RNPS1: variants seen among roughly 807,000 people sequenced by gnomAD.
The protein encoded by RNPS1 is RNA binding protein with serine rich domain 1.
For missense variants in RNPS1, 300 were observed against 427.6 expected (o/e 0.70, Z 2.63); for synonymous variants, 147 against 150.0 (o/e 0.98, Z 0.15).
chr16:2,265,982 A>C, intron 1 of RNPS1: 12 of 344,690 alleles, frequency 3.5e-5, no homozygotes, highest in Non-Finnish European at 4.1e-5. Flanking sequence ...AAAACAAATT[A>C]CTAATTAGTT....
Position 2,255,376 on chromosome 16 carries a change from T to G in RNPS1, c.818+209A>C, listed in dbSNP as rs549276887. Among the ~76,000 whole-genome samples, 20 of 152,356 alleles carry G rather than the reference T, an allele frequency of 1.3e-4. No individual in the cohort carries two copies. In the East Asian group the frequency reaches 1.7e-3, roughly 13 times the overall value. On this transcript the variant is annotated intron_variant, in intron 7 of 7. Transcript: ENST00000320225. ...ACGCCACTGCCCAGACTCAGAAAGCTGTGTTGGTGCAACTCTAGGGCGTCT... is the reference window on the plus strand; with the variant it reads ...ACGCCACTGCCCAGACTCAGAAAGCGGTGTTGGTGCAACTCTAGGGCGTCT...
chr16:2,264,012 G>T, intron 3 of RNPS1, 164 bp downstream of exon 3: 3 of 800,310 alleles, frequency 3.7e-6, no homozygotes, highest in Non-Finnish European at 5.7e-6. Flanking sequence ...TTATAGGCAT[G>T]AGCCACCACT....
rs781609114 is a variant in RNPS1 at position 2,263,251 on chromosome 16, G to A, written c.264C>T (p.Ser88=). 6 of 1,613,660 alleles carry A rather than the reference G, an allele frequency of 3.7e-6. No homozygotes were observed. The East Asian group carries it at 8.9e-5, about 24-fold the overall frequency. The change falls in exon 4 of 8, where the codon AGC becomes AGT. Residue 88 remains serine (S), a synonymous_variant. Coordinates refer to ENST00000320225, the MANE Select transcript of RNPS1 (RefSeq NM_080594.4). ...AGCCACTGCTTGAGCCAGTGCTGGT[G>A]CTGGAGCCTGAGCTGGAAGTCGAGC... ...RSSSTSSSGS[S]TSTGSSSGSS...
intron 6 of RNPS1, 64 bp from the exon 7 acceptor site, chr16:2,255,790 A>C: frequency 6.6e-7 from 1 of 1,510,724 alleles, no homozygotes; most frequent in South Asian, 1.2e-5. Context: ...AATGCATGCC[A>C]CAGTGAAAGA....
Position 2,253,780 on chromosome 16 carries a change from C to G in RNPS1, c.*184G>C, listed in dbSNP as rs778996420. ...ACCGGAGGGAATCTTGACAGGCACACAGCATCCAAACCAACAGCACTTCTG... is the reference window on the plus strand; with the variant it reads ...ACCGGAGGGAATCTTGACAGGCACAGAGCATCCAAACCAACAGCACTTCTG... On this transcript the variant is annotated 3_prime_UTR_variant, in exon 8 of 8. Coordinates refer to ENST00000320225, the MANE Select transcript of RNPS1 (RefSeq NM_080594.4). 5.4e-5 allele frequency: 38 copies of G among 706,552 alleles called. No individual in the cohort carries two copies. The highest frequency in any genetic ancestry group is 9.3e-5 in the Non-Finnish European group (36 of 385,058). 43.8% of individuals were successfully genotyped at this position (706,552 alleles called of 1,614,324 possible). A position where few individuals can be genotyped will look rare whatever the true frequency, so the allele number is the denominator to read the frequency against.
Position 2,263,294 on chromosome 16 carries a change from G to A in RNPS1, c.228-7C>T. On this transcript the variant is annotated splice_polypyrimidine_tract_variant and splice_region_variant and intron_variant, in intron 3 of 7. Coordinates refer to ENST00000320225, the MANE Select transcript of RNPS1 (RefSeq NM_080594.4). ...AGTCGAGCTGGACCGAGACCTGAGG[G>A]CAAGATGAGGGGTCACAACCACCAC... The A allele has an allele frequency of 6.2e-7, 1 of 1,613,824 alleles. No individual in the cohort carries two copies. The highest frequency in any genetic ancestry group is 1.6e-4 in the Middle Eastern group (1 of 6,062).
rs370924150 is a variant in RNPS1 at position 2,255,664 on chromosome 16, G to C, written c.739C>G (p.Pro247Ala). 1 of 1,613,452 alleles carries C rather than the reference G, an allele frequency of 6.2e-7. No individual in the cohort carries two copies. The highest frequency in any genetic ancestry group is 8.5e-7 in the Non-Finnish European group (1 of 1,179,720). The change falls in exon 7 of 8, where the codon CCC (proline) becomes GCC (alanine). Residue 247 changes from proline (P) to alanine (A), a missense_variant. Pro to Ala is a conservative substitution (Grantham distance 27). Coordinates refer to ENST00000320225, the MANE Select transcript of RNPS1 (RefSeq NM_080594.4). Reference sequence around the variant, plus strand: ...CTCCTGGGAGGGCTGAATCTCCTGGGGGGTGGCCTAGGCCAGGGGGCCAGC... The same window carrying C: ...CTCCTGGGAGGGCTGAATCTCCTGGCGGGTGGCCTAGGCCAGGGGGCCAGC... ...AVLAPWPRPPPRRFSPPRRML... is the reference protein window; with the variant it reads ...AVLAPWPRPPARRFSPPRRML...
chr16:2,258,976 A>G (rs1172960501), intron 6 of RNPS1, among the ~76,000 whole-genome samples: 1 of 151,852 alleles, frequency 6.6e-6, no homozygotes, highest in African/African-American at 2.4e-5. Context: ...TACAAAAATT[A>G]GCTGGATATA....
chr16:2,266,258 T>C, intron 1 of RNPS1: 1 of 985,460 alleles, frequency 1.0e-6, no homozygotes, highest in Non-Finnish European at 1.2e-6. Context: ...AACAGTCAAA[T>C]GAGAGCCAAG....
chr16:2,267,614 C>A, intron 1 of RNPS1: 1 of 1,077,588 alleles, frequency 9.3e-7, no homozygotes, highest in Non-Finnish European at 1.1e-6. Context: ...CGCCCGCCGA[C>A]ACCGGCCCGA....
chr16:2,258,561 C>T (rs922094544), intron 6 of RNPS1: 19 of 152,076 alleles, frequency 1.2e-4, no homozygotes, highest in African/African-American at 4.3e-4. Context: ...CCCATCTCTA[C>T]TAAAAACACA....
chr16:2,260,147 C>CTT (rs776703032), intron 6 of RNPS1, among the ~76,000 whole-genome samples: 1,542 of 72,438 alleles, frequency 0.021, 259 homozygotes, highest in Non-Finnish European at 0.036. Flanking sequence ...TGTGTGTATT[C>CTT]TTTTTTTTTT....
At position 2,263,268 on chromosome 16, in the gene RNPS1, A is replaced by T; in HGVS notation, c.247T>A (p.Ser83Thr). 6.2e-7 allele frequency: 1 copy of T among 1,613,886 alleles called. No homozygotes were observed. Among genetic ancestry groups the T allele is most frequent in the Non-Finnish European group, 8.5e-7 (1 of 1,179,898 alleles). The change falls in exon 4 of 8, where the codon TCC (serine) becomes ACC (threonine). Residue 83 changes from serine to threonine, a missense_variant. Coordinates refer to ENST00000320225, the MANE Select transcript of RNPS1 (RefSeq NM_080594.4). ...GTGCTGGTGCTGGAGCCTGAGCTGG[A>T]AGTCGAGCTGGACCGAGACCTGAGG... is the stretch of plus-strand genomic sequence containing the variant. ...SSTRSRSSSTSSSGSSTSTGS... is the reference protein window; with the variant it reads ...SSTRSRSSSTTSSGSSTSTGS...
In RNPS1 at chr16:2,268,123, A is replaced by C. The variant is rs1447104403; in HGVS notation, c.-186T>G. The C allele has an allele frequency of 6.5e-7, 1 of 1,533,230 alleles. No homozygotes were observed. Among genetic ancestry groups the C allele is most frequent in the African/African-American group, 1.4e-5 (1 of 72,998 alleles). 95.0% of individuals were successfully genotyped at this position (1,533,230 alleles called of 1,614,324 possible). ...GAGGCCGGCGCCGCTCTGACGTCAG[A>C]GTCAAGGAGCGGGAAGTCGCCGCCG... On this transcript the variant is annotated 5_prime_UTR_variant, in exon 1 of 8. Coordinates refer to ENST00000320225, the MANE Select transcript of RNPS1 (RefSeq NM_080594.4).
At chr16:2,262,086 T>C in intron 6 of RNPS1, 192 bp downstream of exon 6, 1 of 511,444 alleles carries the variant, frequency 2.0e-6, no homozygotes, top group Non-Finnish European at 3.4e-6. Flanking sequence ...ATGTGCATCT[T>C]GTTATTGGGC....
chr16:2,267,944 G>T, intron 1 of RNPS1, 111 bp downstream of exon 1: 1 of 1,529,192 alleles, frequency 6.5e-7, no homozygotes. Context: ...GCGCTGCCAG[G>T]CCACCGCCGC....
At chr16:2,266,066 A>T (rs1380609893) in intron 1 of RNPS1, 1 of 968,860 alleles carries the variant, frequency 1.0e-6, no homozygotes, top group Admixed American at 6.2e-5. Flanking sequence ...AGGAGTTGTT[A>T]AGTGAAGATC....
chr16:2,262,356 G>C lies in RNPS1; in HGVS notation c.598C>G (p.His200Asp). 1 of 1,613,956 alleles carries C rather than the reference G, an allele frequency of 6.2e-7. No individual in the cohort carries two copies. Among genetic ancestry groups the C allele is most frequent in the Non-Finnish European group, 8.5e-7 (1 of 1,179,880 alleles). Residue 200 changes from histidine (H) to aspartate (D), a missense_variant, in exon 6 of 8, where the codon CAT becomes GAT. Coordinates refer to ENST00000320225, the MANE Select transcript of RNPS1 (RefSeq NM_080594.4). The part of the protein sequence containing the change: ...IDMPVERMHP[H>D]LSKGYAYVEF... Reference sequence around the variant, plus strand: ...ACGTACGCATAGCCTTTGGACAGATGGGGATGCATCCTTTCCACGGGCATG... The same window carrying C: ...ACGTACGCATAGCCTTTGGACAGATCGGGATGCATCCTTTCCACGGGCATG...
intron 6 of RNPS1, among the ~76,000 whole-genome samples, chr16:2,259,379 C>A (rs901108908): frequency 2.0e-5 from 3 of 152,238 alleles, no homozygotes; most frequent in Admixed American, 6.5e-5. Flanking sequence ...TTATTGTGTG[C>A]CACAGAGCTA....
Sources: allele counts gnomAD v4.1 joint callset (sites outside exome capture counted in the v4.1 genomes callset), GRCh38; gene constraint gnomAD v4.1.1; transcripts MANE v1.5; gene names NCBI Gene and HGNC (gene_info 2026-07-23, HGNC 2026-07-21).